The following NR3C1 variants were observed in gnomAD, a reference collection of about 807,000 sequenced individuals.
The protein encoded by NR3C1 is glucocorticoid receptor.
In NR3C1, 14 loss-of-function variants were observed where a neutral mutation model predicts 74.0. The observed-to-expected ratio is 0.19, with a 90% CI of 0.12 to 0.30. The LOEUF (loss-of-function observed/expected upper bound fraction) is 0.30, where lower values mean the gene tolerates loss of function less well. NR3C1 is among the 10% of genes least tolerant of loss of function. The probability of loss-of-function intolerance (pLI) is 1.00; values close to 1 mark genes in which losing one functional copy is unlikely to be tolerated. For synonymous variants in NR3C1, 308 were observed against 332.5 expected (o/e 0.93, Z 0.80); for missense variants, 695 against 909.8 (o/e 0.76, Z 3.04).
chr5:143,299,810 A>G (rs1402247718), intron 5 of NR3C1, among the ~76,000 whole-genome samples: 1 of 152,206 alleles, frequency 6.6e-6, no homozygotes, highest in Non-Finnish European at 1.5e-5. Context: ...TAAGCAAAAC[A>G]TTTGCCCTGC....
chr5:143,433,369 G>A (rs1179781431), intron 1 of NR3C1, among the ~76,000 whole-genome samples: 2 of 44,870 alleles, frequency 4.5e-5, no homozygotes, highest in African/African-American at 1.2e-4. Context: ...GTCTCAGCTA[G>A]TAGCTGATGG....
intron 7 of NR3C1, chr5:143,294,213 A>G (rs993271482): frequency 1.0e-6 from 1 of 985,296 alleles, no homozygotes; most frequent in Admixed American, 6.1e-5. Context: ...CATAGCTTAC[A>G]GTTATTTGGC....
At chr5:143,336,698 G>A (rs1447052776) in intron 2 of NR3C1, among the ~76,000 whole-genome samples, 2 of 152,084 alleles carry the variant, frequency 1.3e-5, no homozygotes, top group South Asian at 2.1e-4. Context: ...CAGGCCAGGC[G>A]CGGTAGCTCA....
At chr5:143,391,376 T>C (rs891487373) in intron 2 of NR3C1, among the ~76,000 whole-genome samples, 4 of 152,212 alleles carry the variant, frequency 2.6e-5, no homozygotes. Context: ...AGGATAAATT[T>C]TGGTATTCAA....
chr5:143,347,201 T>C (rs558543265), intron 2 of NR3C1, among the ~76,000 whole-genome samples: 1 of 152,322 alleles, frequency 6.6e-6, no homozygotes, highest in Non-Finnish European at 1.5e-5. Flanking sequence ...AACTAAAAAG[T>C]AGAGACTAAA....
intron 2 of NR3C1, 26 bp downstream of exon 2, chr5:143,399,630 A>T (rs1381563731): frequency 6.7e-7 from 1 of 1,492,836 alleles, no homozygotes; most frequent in African/African-American, 1.4e-5. Flanking sequence ...TACCATTCTT[A>T]AGAAACAGAA....
At chr5:143,358,320 G>C (rs1282602920) in intron 2 of NR3C1, among the ~76,000 whole-genome samples, 1 of 152,190 alleles carries the variant, frequency 6.6e-6, no homozygotes, top group Admixed American at 6.5e-5. Context: ...TACATTAAAA[G>C]CAAGTTTTCC....
At chr5:143,298,865 T>G in intron 5 of NR3C1, 53 bp from the exon 6 acceptor site, 11 of 1,585,868 alleles carry the variant, frequency 6.9e-6, no homozygotes, top group Non-Finnish European at 9.5e-6. Context: ...AGATCATCTC[T>G]GTGGGAATTG....
At position 143,310,911 on chromosome 5, in the gene NR3C1, C is replaced by T. The variant is rs915056527; in HGVS notation, c.1352-698G>A. Among the ~76,000 whole-genome samples, 20 of 152,232 alleles carry T rather than the reference C, an allele frequency of 1.3e-4. 1 individual carries two copies. Among genetic ancestry groups the T allele is most frequent in the Admixed American group, 1.3e-4 (2 of 15,286 alleles). ...GACCTCGTGATCCACCCGCCTCGGC[C>T]TCCCGATGTGCTGGGATTACAGGCA... On this transcript the variant is annotated intron_variant, in intron 3 of 8. Coordinates refer to ENST00000394464, the MANE Select transcript of NR3C1 (RefSeq NM_000176.3).
rs751291077 is a variant in NR3C1 at position 143,327,809 on chromosome 5, C to T, written c.1185-13641G>A. Among the ~76,000 whole-genome samples the T allele has an allele frequency of 6.6e-5, 10 of 152,248 alleles. 1 individual carries two copies. The highest frequency in any genetic ancestry group is 4.1e-4 in the South Asian group (2 of 4,834). On this transcript the variant is annotated intron_variant, in intron 2 of 8. Transcript: ENST00000394464. ...GGGCTTTCATACCCTTGGGCAGCTCCGCCCCTGTGGCTCAGCAGGGTACCC... is the reference window on the plus strand; with the variant it reads ...GGGCTTTCATACCCTTGGGCAGCTCTGCCCCTGTGGCTCAGCAGGGTACCC...
chr5:143,299,391 A>T (rs1328265490), intron 5 of NR3C1, among the ~76,000 whole-genome samples: 1 of 151,778 alleles, frequency 6.6e-6, no homozygotes, highest in African/African-American at 2.4e-5. Context: ...CTGCTTAAGT[A>T]AACATGAACT....
At chr5:143,288,748 C>CT (rs1299142519) in intron 7 of NR3C1, among the ~76,000 whole-genome samples, 2 of 152,100 alleles carry the variant, frequency 1.3e-5, no homozygotes, top group Non-Finnish European at 2.9e-5. Context: ...GGTGGAATTA[C>CT]AGGCATGAAC....
Position 143,354,031 on chromosome 5 carries a change from C to T in NR3C1, c.1185-39863G>A, listed in dbSNP as rs1003951028. On this transcript the variant is annotated intron_variant, in intron 2 of 8. Coordinates refer to ENST00000394464, the MANE Select transcript of NR3C1 (RefSeq NM_000176.3). Reference sequence around the variant, plus strand: ...GTTTCTGTATCAGCACTTGCTGCTTCACCTTACACTTTTATGTTACAGCGC... The same window carrying T: ...GTTTCTGTATCAGCACTTGCTGCTTTACCTTACACTTTTATGTTACAGCGC... Among the ~76,000 whole-genome samples the T allele has an allele frequency of 3.9e-5, 6 of 152,244 alleles. No homozygotes were observed. The East Asian group carries it at 1.2e-3, about 29-fold the overall frequency.
At chr5:143,298,935 G>A in intron 5 of NR3C1, 123 bp from the exon 6 acceptor site, 2 of 854,704 alleles carry the variant, frequency 2.3e-6, no homozygotes, top group Non-Finnish European at 3.7e-6. Flanking sequence ...ACAGAAAATG[G>A]AAATTAAATA....
intron 2 of NR3C1, among the ~76,000 whole-genome samples, chr5:143,352,247 T>C (rs1830367202): frequency 6.6e-6 from 1 of 152,148 alleles, no homozygotes; most frequent in Non-Finnish European, 1.5e-5. Flanking sequence ...ATGGGGTAAG[T>C]GGTTGTAAAG....
chr5:143,348,166 G>A (rs984028932), intron 2 of NR3C1, among the ~76,000 whole-genome samples: 1 of 152,146 alleles, frequency 6.6e-6, no homozygotes, highest in Non-Finnish European at 1.5e-5. Context: ...GCATCAGCTC[G>A]TGTTTCCGGT....
chr5:143,305,367 C>A (rs889679189), intron 4 of NR3C1, among the ~76,000 whole-genome samples: 7 of 152,066 alleles, frequency 4.6e-5, no homozygotes, highest in African/African-American at 1.4e-4. Context: ...GTTTAACTAC[C>A]ATTCAACCTA....
chr5:143,282,137 T>TA, intron 8 of NR3C1, 96 bp from the exon 9 acceptor site: 1 of 1,241,340 alleles, frequency 8.1e-7, no homozygotes, highest in Non-Finnish European at 1.2e-6. Context: ...TTATCTGGCC[T>TA]AGAATATACC....
At chr5:143,283,529 G>A (rs1813600714) in intron 7 of NR3C1, among the ~76,000 whole-genome samples, 1 of 152,120 alleles carries the variant, frequency 6.6e-6, no homozygotes, top group Admixed American at 6.6e-5. Context: ...GTTTATTCCA[G>A]CAATTATATC....
Sources: gnomAD v4.1 joint callset for allele counts (sites outside exome capture counted in the v4.1 genomes callset) on GRCh38, gnomAD v4.1.1 for gene constraint, MANE v1.5 for transcripts, NCBI Gene and HGNC (gene_info 2026-07-23, HGNC 2026-07-21) for gene names.